Variants in GLI3 observed in about 807,000 individuals in gnomAD.
GLI3 encodes the protein GLI family zinc finger 3.
Under a neutral mutation model 100.8 loss-of-function variants are expected in GLI3, and 20 were observed. The ratio of observed to expected loss-of-function variants is 0.20; its 90% CI spans 0.14 to 0.29. The LOEUF (loss-of-function observed/expected upper bound fraction) is 0.29. Ranked by LOEUF, GLI3 falls within the 10% of genes least tolerant of loss-of-function variation. GLI3 has a pLI of 1.00. For synonymous variants in GLI3, 938 were observed against 860.5 expected (o/e 1.09, Z -1.58); for missense variants, 2,040 against 2,128.5 (o/e 0.96, Z 0.82).
intron 2 of GLI3, among the ~76,000 whole-genome samples, chr7:42,215,579 C>T (rs542455759): frequency 1.3e-5 from 2 of 152,152 alleles, no homozygotes; most frequent in African/African-American, 2.4e-5. Context: ...TGTTCACACC[C>T]CATGATCACA....
intron 10 of GLI3, among the ~76,000 whole-genome samples, chr7:42,002,077 C>T (rs547016853): frequency 1.1e-3 from 172 of 151,296 alleles, no homozygotes; most frequent in Non-Finnish European, 1.4e-3. Flanking sequence ...CACACACACA[C>T]GCACACACAC....
At chr7:42,030,255 T>C (rs1250139858) in intron 7 of GLI3, among the ~76,000 whole-genome samples, 1 of 152,074 alleles carries the variant, frequency 6.6e-6, no homozygotes, top group African/African-American at 2.4e-5. Context: ...GACCCTGTGA[T>C]TACATCACTG....
chr7:42,213,629 CA>C (rs1788314219), intron 2 of GLI3, among the ~76,000 whole-genome samples: 1 of 152,188 alleles, frequency 6.6e-6, no homozygotes, highest in African/African-American at 2.4e-5. Context: ...ATATTTTCCA[CA>C]GACAGAGAAA....
rs185532910 is a variant in GLI3, at chr7:42,020,753, G to C, written c.1497+2715C>G. Among the ~76,000 whole-genome samples the C allele has an allele frequency of 5.3e-3, 800 of 152,174 alleles. 7 individuals are homozygous for C. Among genetic ancestry groups the C allele is most frequent in the African/African-American group, 0.019 (775 of 41,516 alleles). ...AAAATACAAAAAATTAGCCGGGCGT[G>C]GTAGCGGGCGCCTGTAGTCCCAGCT... On this transcript the variant is annotated intron_variant, in intron 10 of 14. Coordinates refer to ENST00000395925, the MANE Select transcript of GLI3 (RefSeq NM_000168.6).
chr7:42,137,734 C>T (rs1391113952), intron 3 of GLI3, among the ~76,000 whole-genome samples: 4 of 152,106 alleles, frequency 2.6e-5, no homozygotes, highest in Non-Finnish European at 5.9e-5. Context: ...TGAGATGATG[C>T]CACAGGTGAA....
At chr7:42,064,893 C>T (rs1196964805) in intron 4 of GLI3, among the ~76,000 whole-genome samples, 1 of 152,122 alleles carries the variant, frequency 6.6e-6, no homozygotes, top group African/African-American at 2.4e-5. Context: ...GGCAGAGAGC[C>T]TCACAATAAC....
chr7:41,964,990 C>G lies in GLI3; in HGVS notation c.4083G>C (p.Glu1361Asp). The change falls in exon 15 of 15, where the codon GAG (glutamate) becomes GAC (aspartate). Residue 1361 changes from glutamate (E) to aspartate (D), a missense_variant. Physicochemically the swap from Glu to Asp is conservative, Grantham distance 45 (BLOSUM62 2). Coordinates refer to ENST00000395925, the MANE Select transcript of GLI3 (RefSeq NM_000168.6). ...TSHINIYQGPESCLPGAHGMG... is the reference protein window; with the variant it reads ...TSHINIYQGPDSCLPGAHGMG... ...TGCCGTGAGCCCCTGGCAGGCAGCT[C>G]TCTGGCCCTTGGTAGATGTTGATGT... 1 of 1,613,836 alleles carries G rather than the reference C, an allele frequency of 6.2e-7. No homozygotes were observed. The highest frequency in any genetic ancestry group is 8.5e-7 in the Non-Finnish European group (1 of 1,180,032).
chr7:42,008,768 T>C lies in GLI3; in HGVS notation c.1497+14700A>G, dbSNP rs557490710. Among the ~76,000 whole-genome samples, 67 of 152,370 alleles carry C rather than the reference T, an allele frequency of 4.4e-4. 2 individuals are homozygous for C. In the Middle Eastern group the frequency reaches 0.024, roughly 54 times the overall value. ...TTCTAATAACATACTTCTATTTCTA[T>C]AGTTGAGAATCACATTAGCTAGGCT... On this transcript the variant is annotated intron_variant, in intron 10 of 14. Transcript: ENST00000395925.
chr7:42,019,531 C>T (rs1406529296), intron 10 of GLI3, among the ~76,000 whole-genome samples: 1 of 152,144 alleles, frequency 6.6e-6, no homozygotes, highest in African/African-American at 2.4e-5. Flanking sequence ...CAAATAACAT[C>T]AGCACAAACC....
intron 10 of GLI3, among the ~76,000 whole-genome samples, chr7:41,995,340 T>C (rs973584256): frequency 2.0e-5 from 3 of 152,168 alleles, no homozygotes; most frequent in African/African-American, 7.2e-5. Flanking sequence ...TTCTCTCATC[T>C]GTTTGCAGGA....
intron 2 of GLI3, among the ~76,000 whole-genome samples, chr7:42,201,204 A>ATC (rs1411436764): frequency 6.8e-6 from 1 of 148,112 alleles, no homozygotes; most frequent in Non-Finnish European, 1.5e-5. Context: ...TGAATGTGAT[A>ATC]TATCTCTCTC....
chr7:42,174,095 T>C (rs1047804534), intron 2 of GLI3, among the ~76,000 whole-genome samples: 2 of 152,128 alleles, frequency 1.3e-5, no homozygotes, highest in South Asian at 2.1e-4. Context: ...AAGTATTCCA[T>C]AGGATAAAAG....
At chr7:42,162,822 A>C (rs1159609386) in intron 2 of GLI3, among the ~76,000 whole-genome samples, 3 of 152,280 alleles carry the variant, frequency 2.0e-5, no homozygotes, top group South Asian at 2.1e-4. Context: ...TGTCACAAAG[A>C]AGCAGCTTCT....
upstream of GLI3, among the ~76,000 whole-genome samples, chr7:42,240,025 T>C (rs565685441): frequency 2.8e-4 from 42 of 152,194 alleles, no homozygotes; most frequent in Non-Finnish European, 5.3e-4. Flanking sequence ...CCAATCCCCC[T>C]AAGCCTTTCT....
intron 2 of GLI3, among the ~76,000 whole-genome samples, chr7:42,215,586 C>T (rs2128699552): frequency 6.6e-6 from 1 of 152,288 alleles, no homozygotes; most frequent in Admixed American, 6.5e-5. Flanking sequence ...ACCCCATGAT[C>T]ACATGTAATC....
chr7:42,194,981 G>A (rs1354976210), intron 2 of GLI3, among the ~76,000 whole-genome samples: 1 of 151,966 alleles, frequency 6.6e-6, no homozygotes, highest in Non-Finnish European at 1.5e-5. Context: ...TGGTCAGGGT[G>A]TTCTCAAACT....
intron 10 of GLI3, among the ~76,000 whole-genome samples, chr7:42,021,386 A>G (rs911034890): frequency 6.6e-6 from 1 of 152,200 alleles, no homozygotes; most frequent in African/African-American, 2.4e-5. Flanking sequence ...CATTTCGATA[A>G]AACAGACAAT....
At chr7:42,026,162 A>C (rs1378012285) in intron 8 of GLI3, 37 bp downstream of exon 8, 3 of 1,497,364 alleles carry the variant, frequency 2.0e-6, no homozygotes, top group Non-Finnish European at 2.8e-6. Context: ...CCCTCGGCTG[A>C]CCAGCACGGC....
chr7:42,243,231 G>T lies in GLI3; in HGVS notation c.-42-19936C>A, dbSNP rs933267613. Among the ~76,000 whole-genome samples the T allele has an allele frequency of 3.3e-5, 5 of 152,120 alleles. No individual in the cohort carries two copies. In the East Asian group the frequency reaches 9.6e-4, roughly 29 times the overall value. ...CTCGGAGGCACAAGATTCCAATAGC[G>T]TGGAGCCAAGGGCCAGTGATGGTTT... On this transcript the variant is annotated intron_variant, in intron 1 of 2. Transcript: ENST00000678978.
Sources: gnomAD v4.1 joint callset for allele counts (sites outside exome capture counted in the v4.1 genomes callset) on GRCh38, gnomAD v4.1.1 for gene constraint, MANE v1.5 for transcripts, NCBI Gene and HGNC (gene_info 2026-07-23, HGNC 2026-07-21) for gene names.